JADE3: variants seen among roughly 807,000 people sequenced by gnomAD.
JADE3 encodes protein Jade-3.
JADE3 carries 2 observed loss-of-function variants against 50.1 expected under a neutral mutation model. The ratio of observed to expected loss-of-function variants is 0.04; its 90% CI spans 0.02 to 0.13. The LOEUF (loss-of-function observed/expected upper bound fraction) is 0.13. Among genes scored for constraint, JADE3 ranks in the 10% least tolerant of loss-of-function variants. The pLI, the probability that JADE3 is intolerant of heterozygous loss-of-function variation, is 1.00. For missense variants in JADE3, 475 were observed against 634.4 expected (o/e 0.75, Z 2.70); for synonymous variants, 218 against 232.9 (o/e 0.94, Z 0.58).
chrX:46,937,978 CAAAT>C (rs1419517381), intron 1 of JADE3, among the ~76,000 whole-genome samples: 8 of 111,766 alleles, frequency 7.2e-5, no homozygotes, highest in East Asian at 5.6e-4. Flanking sequence ...AACTGCATCT[CAAAT>C]AAATAAACAA....
At chrX:46,949,548 G>C (rs1926959420) in intron 1 of JADE3, among the ~76,000 whole-genome samples, 1 of 111,890 alleles carries the variant, frequency 8.9e-6, no homozygotes, top group African/African-American at 3.3e-5. Flanking sequence ...TTGATGAGTA[G>C]TAGTGGTGAC....
At position 47,060,245 on chromosome X, in the gene JADE3, G is replaced by GGC. The variant is rs1232237889; in HGVS notation, c.*1169_*1170insCG. On this transcript the variant is annotated 3_prime_UTR_variant, in exon 11 of 11. Coordinates refer to ENST00000614628, the MANE Select transcript of JADE3 (RefSeq NM_014735.5). ...GAGAATAATTACATTTGCGGGGGGG[G>GGC]GGGTGGATAAAAACATGTCTGCTTC... 1 of 101,456 alleles carries GGC rather than the reference G, an allele frequency of 9.9e-6. No homozygotes were observed. The highest frequency in any genetic ancestry group is 3.5e-5 in the African/African-American group (1 of 28,361). The allele number at this position is 101,456 out of a possible 1,213,427, so 8.4% of individuals were successfully genotyped here. A position where few individuals can be genotyped will look rare whatever the true frequency, so the allele number is the denominator to read the frequency against.
chrX:46,952,464 T>A (rs1264512485), intron 1 of JADE3, among the ~76,000 whole-genome samples: 3 of 112,270 alleles, frequency 2.7e-5, no homozygotes, highest in Non-Finnish European at 5.6e-5. Flanking sequence ...TTTCTCCAAG[T>A]CTTTGATATG....
chrX:46,921,280 A>G (rs1194778138), intron 1 of JADE3, among the ~76,000 whole-genome samples: 1 of 111,736 alleles, frequency 8.9e-6, no homozygotes, highest in Non-Finnish European at 1.9e-5. Context: ...AGGTCTTGCT[A>G]TGTTCCCCGG....
At chrX:47,007,580 A>G (rs782647181) in intron 4 of JADE3, among the ~76,000 whole-genome samples, 5 of 111,394 alleles carry the variant, frequency 4.5e-5, no homozygotes, top group African/African-American at 1.6e-4. Flanking sequence ...TGATGTTAGT[A>G]TAGTCACTTT....
At chrX:46,922,764 C>T (rs915165233) in intron 1 of JADE3, among the ~76,000 whole-genome samples, 1 of 110,846 alleles carries the variant, frequency 9.0e-6, no homozygotes, top group African/African-American at 3.3e-5. Flanking sequence ...ACATTAGAGT[C>T]TTTAAGATAT....
chrX:47,056,207 G>A lies in JADE3; in HGVS notation c.1561+8G>A. On this transcript the variant is annotated splice_region_variant and intron_variant, in intron 10 of 10. Coordinates refer to ENST00000614628, the MANE Select transcript of JADE3 (RefSeq NM_014735.5). ...ACCAAGAAATTGATGCAGGTAACCT[G>A]TATATTTAAAATGTCCTAACAAATA... is the stretch of plus-strand genomic sequence containing the variant. 9.8e-7 allele frequency: 1 copy of A among 1,021,885 alleles called. No homozygotes were observed. Among genetic ancestry groups the A allele is most frequent in the Non-Finnish European group, 1.4e-6 (1 of 724,875 alleles). The allele number at this position is 1,021,885 out of a possible 1,213,427, so 84.2% of individuals were successfully genotyped here.
intron 1 of JADE3, among the ~76,000 whole-genome samples, chrX:46,972,096 A>G (rs1248665110): frequency 1.8e-5 from 2 of 112,533 alleles, no homozygotes; most frequent in Non-Finnish European, 3.8e-5. Flanking sequence ...CTACAAGCAT[A>G]CAGAATGGTT....
chrX:46,999,849 G>A (rs1385825836), intron 4 of JADE3, among the ~76,000 whole-genome samples: 1 of 111,422 alleles, frequency 9.0e-6, no homozygotes, highest in African/African-American at 3.3e-5. Context: ...AAAATGCTGA[G>A]TAAAAGTTTG....
At chrX:47,004,307 G>GT (rs1392079623) in intron 4 of JADE3, among the ~76,000 whole-genome samples, 1 of 112,139 alleles carries the variant, frequency 8.9e-6, no homozygotes, top group Non-Finnish European at 1.9e-5. Flanking sequence ...TCCTCTTCTA[G>GT]TTTTTGGAAG....
At chrX:47,043,818 CAAAAAAA>C (rs782062343) in intron 8 of JADE3, among the ~76,000 whole-genome samples, 2 of 48,858 alleles carry the variant, frequency 4.1e-5, no homozygotes, top group Non-Finnish European at 7.9e-5. Context: ...GACTCTGTTT[CAAAAAAA>C]AAAAAAAAAG....
At chrX:47,020,351 T>G (rs1383397546) in intron 4 of JADE3, among the ~76,000 whole-genome samples, 1 of 109,407 alleles carries the variant, frequency 9.1e-6, no homozygotes, top group Non-Finnish European at 1.9e-5. Flanking sequence ...AAAAAGTGTG[T>G]CTATCCATAG....
At position 46,937,363 on chromosome X, in the gene JADE3, AAG is replaced by A. The variant is rs1189238554; in HGVS notation, c.-12+24646_-12+24647del. Among the ~76,000 whole-genome samples, 4 of 111,091 alleles carry A rather than the reference AAG, an allele frequency of 3.6e-5. No homozygotes were observed. In the Admixed American group the frequency reaches 3.9e-4, roughly 11 times the overall value. Reference sequence around the variant, plus strand: ...TCTAGGATATGGTCTATCTTATTGAAAGAACACGTATTCTGCTATTTTGGGGT... The same window carrying A: ...TCTAGGATATGGTCTATCTTATTGAAAACACGTATTCTGCTATTTTGGGGT... On this transcript the variant is annotated intron_variant, in intron 1 of 10. Transcript: ENST00000614628.
intron 4 of JADE3, among the ~76,000 whole-genome samples, chrX:47,023,980 A>G (rs1928853028): frequency 8.9e-6 from 1 of 112,807 alleles, no homozygotes; most frequent in African/African-American, 3.2e-5. Flanking sequence ...ACAGAAAAAA[A>G]CAAGCCTCTG....
intron 9 of JADE3, among the ~76,000 whole-genome samples, chrX:47,055,169 T>C (rs782099891): frequency 3.0e-4 from 33 of 111,238 alleles, no homozygotes; most frequent in Non-Finnish European, 5.5e-4. Context: ...GTCTGCAAAT[T>C]ACCAAATTTG....
Position 47,038,836 on chromosome X carries a change from A to G in JADE3, c.856-113A>G, listed in dbSNP as rs1333615247. 3 of 485,125 alleles carry G rather than the reference A, an allele frequency of 6.2e-6. No homozygotes were observed. In the East Asian group the frequency reaches 1.0e-4, roughly 17 times the overall value. 40.0% of individuals were successfully genotyped at this position (485,125 alleles called of 1,213,427 possible). A position where few individuals can be genotyped will look rare whatever the true frequency, so the allele number is the denominator to read the frequency against. On this transcript the variant is annotated intron_variant, in intron 7 of 10. Transcript: ENST00000614628. The stretch of plus-strand genomic sequence containing the variant: ...TTCCATATTAACCTTAAGAGATGTG[A>G]CTTACCTCATTGTTTTGATGTTCTT...
At chrX:47,010,392 C>G (rs1157100140) in intron 4 of JADE3, among the ~76,000 whole-genome samples, 2 of 110,817 alleles carry the variant, frequency 1.8e-5, no homozygotes, top group African/African-American at 6.6e-5. Context: ...CCACAACTGG[C>G]TAATTTTGTA....
At position 47,058,440 on chromosome X, in the gene JADE3, C is replaced by G. The variant is rs1556373907; in HGVS notation, c.1835C>G (p.Ser612Cys). The change falls in exon 11 of 11, where the codon TCT (serine) becomes TGT (cysteine). Residue 612 changes from serine to cysteine, a missense_variant. Around this residue, in one of 6 missense-constraint regions of JADE3, gnomAD observed 243 missense variants for 238.2 expected, o/e 1.02. Coordinates refer to ENST00000614628, the MANE Select transcript of JADE3 (RefSeq NM_014735.5). ...NNRLLASLSHSRSEAKESSPA... is the reference protein window; with the variant it reads ...NNRLLASLSHCRSEAKESSPA... The stretch of plus-strand genomic sequence containing the variant: ...CGTTTGCTGGCCAGTCTCAGCCATT[C>G]TAGGAGTGAAGCAAAGGAGTCCAGT... The G allele has an allele frequency of 8.3e-7, 1 of 1,211,593 alleles. No homozygotes were observed.
intron 1 of JADE3, among the ~76,000 whole-genome samples, chrX:46,939,103 A>C (rs1304533794): frequency 8.9e-6 from 1 of 112,360 alleles, no homozygotes; most frequent in Non-Finnish European, 1.9e-5. Flanking sequence ...CTGGGGTTAC[A>C]GGCGTGAGCC....
Sources: gnomAD v4.1 joint callset for allele counts (sites outside exome capture counted in the v4.1 genomes callset) on GRCh38, gnomAD v4.1.1 for gene constraint, gnomAD v4.1.1 regional missense constraint, MANE v1.5 for transcripts, NCBI Gene and HGNC (gene_info 2026-07-23, HGNC 2026-07-21) for gene names.